The following CACNA1C variants were observed in gnomAD, a reference collection of about 807,000 sequenced individuals.
CACNA1C encodes the protein voltage-dependent L-type calcium channel subunit alpha-1C.
A neutral mutation model predicts 229.0 loss-of-function variants in CACNA1C; 30 were observed. The observed-to-expected ratio is 0.13, with a 90% confidence interval of 0.10 to 0.18. CACNA1C has a LOEUF of 0.18. CACNA1C is among the 10% of genes least tolerant of loss of function. CACNA1C has a pLI of 1.00. For missense variants in CACNA1C, 1,658 were observed against 2,845.0 expected (o/e 0.58, Z 9.49); for synonymous variants, 1,114 against 1,132.5 (o/e 0.98, Z 0.33).
chr12:2,521,940 T>G (rs2099810796), intron 9 of CACNA1C, among the ~76,000 whole-genome samples: 1 of 152,210 alleles, frequency 6.6e-6, no homozygotes, highest in South Asian at 2.1e-4. Context: ...TTCAGGCATC[T>G]CCAACCTGTC....
At position 2,566,922 on chromosome 12, in the gene CACNA1C, C is replaced by T. The variant is rs184823850; in HGVS notation, c.1669+340C>T. Reference sequence around the variant, plus strand: ...ACTCCCCAGCATGGATTTTAAATACCTGGGGGCCTTCCTACAGCCCTGAGG... The same window carrying T: ...ACTCCCCAGCATGGATTTTAAATACTTGGGGGCCTTCCTACAGCCCTGAGG... On this transcript the variant is annotated intron_variant, in intron 12 of 46. Transcript: ENST00000399655. This position sits in a 1 kb window ranked among gnomAD's most constrained non-coding sequence, Gnocchi z 4.0. Among the ~76,000 whole-genome samples the T allele has an allele frequency of 2.8e-3, 427 of 152,306 alleles. 1 individual carries two copies. The highest frequency in any genetic ancestry group is 9.7e-3 in the African/African-American group (404 of 41,562).
At chr12:2,278,617 G>A (rs1218743795) in intron 3 of CACNA1C, among the ~76,000 whole-genome samples, 3 of 152,156 alleles carry the variant, frequency 2.0e-5, no homozygotes, top group Admixed American at 6.5e-5. Context: ...TCCATTGTAT[G>A]GATATAGCAC....
chr12:2,521,027 T>C (rs1437857376), intron 9 of CACNA1C, among the ~76,000 whole-genome samples: 2 of 152,238 alleles, frequency 1.3e-5, no homozygotes, highest in African/African-American at 4.8e-5. Context: ...GGGAGACGCC[T>C]ACTTGACTTT....
intron 28 of CACNA1C, among the ~76,000 whole-genome samples, chr12:2,611,233 G>C (rs2077566480): frequency 7.4e-6 from 1 of 135,216 alleles, no homozygotes; most frequent in Non-Finnish European, 1.6e-5. Context: ...GATCAATGGA[G>C]AGAGGGGAGG....
intron 3 of CACNA1C, among the ~76,000 whole-genome samples, chr12:2,370,232 G>A (rs2097828791): frequency 6.6e-6 from 1 of 152,104 alleles, no homozygotes; most frequent in Non-Finnish European, 1.5e-5. Flanking sequence ...GTGGTAAAAT[G>A]GGCTCTCATA....
intron 3 of CACNA1C, among the ~76,000 whole-genome samples, chr12:2,299,031 T>C (rs2094339761): frequency 1.3e-5 from 2 of 152,200 alleles, no homozygotes; most frequent in Non-Finnish European, 2.9e-5. Flanking sequence ...CATTAAAACA[T>C]TTTAGTGTTA....
intron 3 of CACNA1C, among the ~76,000 whole-genome samples, chr12:2,374,907 T>C (rs1462559342): frequency 6.6e-6 from 1 of 152,194 alleles, no homozygotes; most frequent in Admixed American, 6.5e-5. Flanking sequence ...GCAGGGTGGC[T>C]TCACATCGGG....
intron 6 of CACNA1C, among the ~76,000 whole-genome samples, chr12:2,487,544 C>G (rs1289933723): frequency 6.6e-6 from 1 of 151,252 alleles, no homozygotes; most frequent in Middle Eastern, 3.4e-3. Flanking sequence ...ACCACACACA[C>G]AAAACGTATA....
intron 3 of CACNA1C, among the ~76,000 whole-genome samples, chr12:2,172,817 C>T (rs1479733631): frequency 6.6e-6 from 1 of 152,236 alleles, no homozygotes; most frequent in Non-Finnish European, 1.5e-5. Context: ...CTGGAATAGA[C>T]TTACCCTGAT....
intron 1 of CACNA1C, among the ~76,000 whole-genome samples, chr12:1,998,634 G>A (rs1248081564): frequency 6.6e-6 from 1 of 152,134 alleles, no homozygotes; most frequent in Non-Finnish European, 1.5e-5. Flanking sequence ...TGGGAGAGGT[G>A]GTAAAGTTAA....
At chr12:2,255,785 A>G (rs2077266019) in intron 3 of CACNA1C, among the ~76,000 whole-genome samples, 1 of 3,432 alleles carries the variant, frequency 2.9e-4, no homozygotes, top group Non-Finnish European at 6.4e-4. Flanking sequence ...TAAACAAAAT[A>G]GACCTGACCC....
chr12:2,415,891 G>T (rs530384219), intron 3 of CACNA1C, among the ~76,000 whole-genome samples: 1 of 152,038 alleles, frequency 6.6e-6, no homozygotes, highest in Non-Finnish European at 1.5e-5. Flanking sequence ...CCCCTTCCCC[G>T]CATTTCCCGG....
intron 30 of CACNA1C, among the ~76,000 whole-genome samples, chr12:2,645,024 A>T (rs1275089130): frequency 6.6e-6 from 1 of 152,232 alleles, no homozygotes; most frequent in Non-Finnish European, 1.5e-5. Flanking sequence ...TTTCATTTAT[A>T]TCAATTACGT....
At chr12:2,365,699 T>G (rs997444321) in intron 3 of CACNA1C, among the ~76,000 whole-genome samples, 1 of 149,090 alleles carries the variant, frequency 6.7e-6, no homozygotes, top group African/African-American at 2.4e-5. Context: ...GGTTTTTAAT[T>G]TAACATGACA....
intron 3 of CACNA1C, among the ~76,000 whole-genome samples, chr12:2,242,655 T>G (rs979178208): frequency 6.6e-6 from 1 of 152,252 alleles, no homozygotes; most frequent in Non-Finnish European, 1.5e-5. Context: ...ACTTCCTACC[T>G]GCTCCTAGTT....
chr12:2,009,077 C>T (rs1286999485), intron 1 of CACNA1C, among the ~76,000 whole-genome samples: 2 of 152,120 alleles, frequency 1.3e-5, no homozygotes, highest in Non-Finnish European at 2.9e-5. Flanking sequence ...AGAGTGCTGG[C>T]GTACTTCCAC....
chr12:2,200,961 G>T (rs1046262490), intron 3 of CACNA1C, among the ~76,000 whole-genome samples: 4 of 152,210 alleles, frequency 2.6e-5, no homozygotes, highest in Non-Finnish European at 5.9e-5. Flanking sequence ...AATGAAGGTA[G>T]CCTAGACATC....
chr12:2,203,509 C>T (rs1288035105), intron 3 of CACNA1C, among the ~76,000 whole-genome samples: 2 of 152,188 alleles, frequency 1.3e-5, no homozygotes, highest in African/African-American at 4.8e-5. Flanking sequence ...CGCCATCTCC[C>T]GTGGAGCAGA....
chr12:2,028,477 A>T (rs2047692305), intron 1 of CACNA1C, among the ~76,000 whole-genome samples: 1 of 152,250 alleles, frequency 6.6e-6, no homozygotes, highest in Non-Finnish European at 1.5e-5. Context: ...GATCTAGAAT[A>T]CAGATCTTCT....
Sources: gnomAD v4.1 joint callset for allele counts (sites outside exome capture counted in the v4.1 genomes callset) on GRCh38, gnomAD v4.1.1 for gene constraint, Gnocchi (gnomAD v3.1) non-coding constraint, MANE v1.5 for transcripts, NCBI Gene and HGNC (gene_info 2026-07-23, HGNC 2026-07-21) for gene names.